The following NEDD4 variants were observed in gnomAD, a reference collection of about 807,000 sequenced individuals.
The protein encoded by NEDD4 is NEDD4 E3 ubiquitin protein ligase.
Under a neutral mutation model 144.9 loss-of-function variants are expected in NEDD4, and 99 were observed. The observed-to-expected ratio is 0.68, with a 90% CI of 0.58 to 0.81. NEDD4 has a LOEUF of 0.81. Ranked by LOEUF, NEDD4 falls within the 30% of genes least tolerant of loss-of-function variation. The pLI is 0.00. For synonymous variants in NEDD4, 318 were observed against 350.6 expected (o/e 0.91, Z 1.04); for missense variants, 985 against 1,065.9 (o/e 0.92, Z 1.06).
chr15:55,978,922 CAAA>C (rs61198421), intron 1 of NEDD4, among the ~76,000 whole-genome samples: 5 of 128,822 alleles, frequency 3.9e-5, no homozygotes, highest in Non-Finnish European at 3.3e-5. Flanking sequence ...CTTGACAACG[CAAA>C]AAAAAAAAAA....
chr15:55,963,128 C>CTTTTTTTTT (rs754905603), intron 2 of NEDD4, among the ~76,000 whole-genome samples: 2 of 142,652 alleles, frequency 1.4e-5, no homozygotes, highest in East Asian at 2.2e-4. Flanking sequence ...TTCTGGCACT[C>CTTTTTTTTT]TTTTTTATTT....
At chr15:55,988,723 A>G (rs921055498) in intron 1 of NEDD4, among the ~76,000 whole-genome samples, 11 of 152,288 alleles carry the variant, frequency 7.2e-5, no homozygotes, top group Non-Finnish European at 1.5e-4. Flanking sequence ...TATGCAGGAA[A>G]GTATTCTTGT....
intron 5 of NEDD4, chr15:55,905,206 T>C (rs1354583458): frequency 2.2e-6 from 1 of 446,124 alleles, no homozygotes; most frequent in Non-Finnish European, 4.5e-6. Flanking sequence ...TTAAGACATA[T>C]TTTACCTGGA....
intron 1 of NEDD4, among the ~76,000 whole-genome samples, chr15:55,966,896 GTTT>G (rs1379059948): frequency 2.0e-5 from 3 of 150,854 alleles, no homozygotes; most frequent in Non-Finnish European, 4.4e-5. Flanking sequence ...TTGGCTTTTG[GTTT>G]TTTTTTGAGA....
At chr15:55,936,623 A>ATATACACAG (rs2036894334) in intron 4 of NEDD4, among the ~76,000 whole-genome samples, 3 of 152,200 alleles carry the variant, frequency 2.0e-5, no homozygotes, top group Admixed American at 2.0e-4. Context: ...AATGCTAAAA[A>ATATACACAG]TATACACAGA....
intron 4 of NEDD4, among the ~76,000 whole-genome samples, chr15:55,930,093 A>G (rs949153642): frequency 5.9e-5 from 9 of 152,218 alleles, no homozygotes; most frequent in Non-Finnish European, 1.2e-4. Context: ...GCCCTAAAAA[A>G]AGAGGCTGGG....
chr15:55,845,204 C>T (rs1406916584), intron 18 of NEDD4, among the ~76,000 whole-genome samples: 2 of 152,186 alleles, frequency 1.3e-5, no homozygotes, highest in Non-Finnish European at 2.9e-5. Flanking sequence ...TATCCCCTTA[C>T]ATACCTTTGT....
chr15:55,954,110 G>A (rs2037295006), intron 2 of NEDD4, among the ~76,000 whole-genome samples: 1 of 152,134 alleles, frequency 6.6e-6, no homozygotes, highest in South Asian at 2.1e-4. Flanking sequence ...AAAGGCTGTT[G>A]TAAAGTCATC....
In NEDD4 at chr15:55,834,352, C is replaced by T. The variant is rs1427803039; in HGVS notation, c.2263-66G>A. The T allele has an allele frequency of 1.2e-5, 11 of 936,830 alleles. 1 individual carries two copies. The Admixed American group carries it at 1.8e-4, about 15-fold the overall frequency. The allele number at this position is 936,830 out of a possible 1,614,324, so 58.0% of individuals were successfully genotyped here. A position where few individuals can be genotyped will look rare whatever the true frequency, so the allele number is the denominator to read the frequency against. The stretch of plus-strand genomic sequence containing the variant: ...AATGGCCTTTCCTATGCCTCAGCTT[C>T]TGGATGCTACTGGAGGAATCCCACA... On this transcript the variant is annotated intron_variant, in intron 24 of 28. Transcript: ENST00000435532.
At chr15:55,862,089 A>G (rs1488366157) in intron 9 of NEDD4, among the ~76,000 whole-genome samples, 4 of 152,218 alleles carry the variant, frequency 2.6e-5, no homozygotes, top group Admixed American at 2.0e-4. Flanking sequence ...ACGTCACTCT[A>G]TGAAGACTGA....
At chr15:55,856,008 A>G in intron 12 of NEDD4, 123 bp downstream of exon 12, 1 of 742,684 alleles carries the variant, frequency 1.3e-6, no homozygotes, top group Non-Finnish European at 2.3e-6. Flanking sequence ...CACCACCTGG[A>G]GCCTACATTC....
chr15:55,902,394 T>A (rs2035939045), intron 5 of NEDD4, among the ~76,000 whole-genome samples: 1 of 152,190 alleles, frequency 6.6e-6, no homozygotes, highest in Admixed American at 6.5e-5. Context: ...CCATTAATTT[T>A]GTCACGACTG....
chr15:55,861,467 T>A (rs1444275111), intron 9 of NEDD4, among the ~76,000 whole-genome samples: 1 of 152,162 alleles, frequency 6.6e-6, no homozygotes, highest in Non-Finnish European at 1.5e-5. Flanking sequence ...TAAGACCTAG[T>A]ATTTAATAGC....
chr15:55,865,795 T>G (rs7498057), intron 8 of NEDD4, among the ~76,000 whole-genome samples: 1 of 152,018 alleles, frequency 6.6e-6, no homozygotes, highest in African/African-American at 2.4e-5. Context: ...TGTTTTTTGG[T>G]AGCAGGGAGA....
chr15:55,899,192 C>T (rs917043989), intron 5 of NEDD4, among the ~76,000 whole-genome samples: 3 of 151,784 alleles, frequency 2.0e-5, no homozygotes, highest in African/African-American at 4.8e-5. Flanking sequence ...CTTTTTAATT[C>T]TCTCTCTCTC....
At chr15:55,860,047 C>A (rs2034339853) in intron 11 of NEDD4, among the ~76,000 whole-genome samples, 1 of 152,200 alleles carries the variant, frequency 6.6e-6, no homozygotes, top group Non-Finnish European at 1.5e-5. Flanking sequence ...TTCAAAATCA[C>A]CTAACAGGAG....
At chr15:55,906,056 G>T (rs1474906118) in intron 5 of NEDD4, among the ~76,000 whole-genome samples, 2 of 152,134 alleles carry the variant, frequency 1.3e-5, no homozygotes, top group African/African-American at 4.8e-5. Flanking sequence ...GGCCATCAGA[G>T]AAATGCAAAT....
intron 5 of NEDD4, among the ~76,000 whole-genome samples, chr15:55,905,480 G>C (rs2036060252): frequency 6.6e-6 from 1 of 152,162 alleles, no homozygotes; most frequent in African/African-American, 2.4e-5. Flanking sequence ...GGAGGGAAAT[G>C]TCCAGTATTA....
chr15:55,861,167 C>A (rs1377672654), intron 9 of NEDD4, among the ~76,000 whole-genome samples: 6 of 152,138 alleles, frequency 3.9e-5, no homozygotes, highest in African/African-American at 1.4e-4. Context: ...CACATACATA[C>A]ATCTTTGTGA....
Sources: allele counts gnomAD v4.1 joint callset (sites outside exome capture counted in the v4.1 genomes callset), GRCh38; gene constraint gnomAD v4.1.1; transcripts MANE v1.5; gene names NCBI Gene and HGNC (gene_info 2026-07-23, HGNC 2026-07-21).